TRIO: variants seen among roughly 807,000 people sequenced by gnomAD.
The protein encoded by TRIO is trio Rho guanine nucleotide exchange factor.
TRIO carries 58 observed loss-of-function variants against 351.9 expected under a neutral mutation model. The ratio of observed to expected loss-of-function variants is 0.16; its 90% CI spans 0.13 to 0.21. TRIO has a LOEUF of 0.21. TRIO is among the 10% of genes least tolerant of loss of function. The probability of loss-of-function intolerance (pLI) is 1.00; values close to 1 mark genes in which losing one functional copy is unlikely to be tolerated. For missense variants in TRIO, 3,201 were observed against 4,027.8 expected, an observed-to-expected ratio of 0.79 and a Z score of 5.56; for synonymous variants, 1,758 against 1,595.7, an observed-to-expected ratio of 1.10 and a Z score of -2.42.
At chr5:14,357,966 A>C (rs1328900383) in intron 11 of TRIO, among the ~76,000 whole-genome samples, 1 of 152,010 alleles carries the variant, frequency 6.6e-6, no homozygotes, top group Non-Finnish European at 1.5e-5. Context: ...CGGCGGTGGC[A>C]TGCTGCTTTT....
intron 14 of TRIO, 29 bp from the exon 15 acceptor site, chr5:14,364,621 A>G (rs1442645936): frequency 1.1e-5 from 18 of 1,588,894 alleles, no homozygotes; most frequent in Non-Finnish European, 1.5e-5. Context: ...TGCTAGCTGA[A>G]TTCTAGGGTC....
rs533194476 is a variant in TRIO at position 14,146,339 on chromosome 5, G to A, written c.157+2457G>A. Among the ~76,000 whole-genome samples, 29 of 152,326 alleles carry A rather than the reference G, an allele frequency of 1.9e-4. 1 individual carries two copies. In the South Asian group the frequency reaches 5.6e-3, roughly 29 times the overall value. On this transcript the variant is annotated intron_variant, in intron 1 of 56. Transcript: ENST00000344204. The stretch of plus-strand genomic sequence containing the variant: ...GACTGGGGAGGACAGATCATGGTGT[G>A]TTTTTGAGCCTGGTACTAAAAGTGC...
rs757586109 is a variant in TRIO at position 14,482,785 on chromosome 5, C to T, written c.6657+12C>T. ...AGAACAGTATCAAGGTAACGTGTGT[C>T]TCTGTGTGATTTCTCTGTGCCAGCG... On this transcript the variant is annotated intron_variant, in intron 46 of 56. Coordinates refer to ENST00000344204, the MANE Select transcript of TRIO (RefSeq NM_007118.4). 1 of 1,539,304 alleles carries T rather than the reference C, an allele frequency of 6.5e-7. No homozygotes were observed.
At chr5:14,258,641 T>A (rs186160769) in intron 1 of TRIO, among the ~76,000 whole-genome samples, 1 of 152,106 alleles carries the variant, frequency 6.6e-6, no homozygotes, top group African/African-American at 2.4e-5. Flanking sequence ...GATATGAAAC[T>A]GCGGAAGAGC....
At chr5:14,273,822 C>G (rs1041171486) in intron 2 of TRIO, among the ~76,000 whole-genome samples, 3 of 152,170 alleles carry the variant, frequency 2.0e-5, no homozygotes, top group South Asian at 2.1e-4. Flanking sequence ...AAATCTCACA[C>G]GACAACCACC....
At chr5:14,473,900 G>T in intron 39 of TRIO, 94 bp from the exon 40 acceptor site, 1 of 1,222,248 alleles carries the variant, frequency 8.2e-7, no homozygotes, top group Non-Finnish European at 1.2e-6. Flanking sequence ...CAGTGCATGT[G>T]TCCATTTTGC....
Position 14,497,761 on chromosome 5 carries a change from C to G in TRIO, c.8020-86C>G, listed in dbSNP as rs1756996825. ...GGCAAGTCAGTTTCTGCAAATCTTTCAACAATAATTGTAGCCCTGGAATGA... is the reference window on the plus strand; with the variant it reads ...GGCAAGTCAGTTTCTGCAAATCTTTGAACAATAATTGTAGCCCTGGAATGA... On this transcript the variant is annotated intron_variant, in intron 50 of 56. Transcript: ENST00000344204. The surrounding 1 kb of genome is among the most constrained non-coding windows in gnomAD (Gnocchi z 4.4). The G allele has an allele frequency of 6.4e-7, 1 of 1,564,404 alleles. No individual in the cohort carries two copies. The highest frequency in any genetic ancestry group is 8.8e-7 in the Non-Finnish European group (1 of 1,136,222).
intron 1 of TRIO, among the ~76,000 whole-genome samples, chr5:14,256,648 G>A (rs1465704516): frequency 1.3e-5 from 2 of 152,160 alleles, no homozygotes; most frequent in African/African-American, 4.8e-5. Flanking sequence ...AGAATTAGAA[G>A]GATTGATTAA....
chr5:14,479,507 A>C (rs1242300774), intron 42 of TRIO, among the ~76,000 whole-genome samples, 157 bp downstream of exon 42: 6 of 152,236 alleles, frequency 3.9e-5, no homozygotes, highest in African/African-American at 1.4e-4. Flanking sequence ...CCTGTAAATC[A>C]GAGAAATGAG....
Position 14,498,584 on chromosome 5 carries a change from G to C in TRIO, c.8276G>C (p.Cys2759Ser). The C allele has an allele frequency of 6.2e-7, 1 of 1,614,232 alleles. No individual in the cohort carries two copies. The highest frequency in any genetic ancestry group is 2.2e-5 in the East Asian group (1 of 44,884). ...ACGGAAGATGACGGCATCTACACGT[G>C]CATCGCTGTCAATGACATGGGTTCA... Reference protein sequence around the residue: ...VTTEDDGIYTCIAVNDMGSAS... With the variant: ...VTTEDDGIYTSIAVNDMGSAS... The change falls in exon 53 of 57, where the codon TGC becomes TCC. Residue 2759 changes from cysteine to serine, a missense_variant. Physicochemically the swap from Cys to Ser is moderately radical, Grantham distance 112. This residue lies in a region of TRIO where 1,089 missense variants were observed against 954.9 expected (regional missense o/e 1.14). Transcript: ENST00000344204.
chr5:14,272,797 G>C (rs1396300304), intron 2 of TRIO, among the ~76,000 whole-genome samples: 1 of 152,066 alleles, frequency 6.6e-6, no homozygotes, highest in East Asian at 1.9e-4. Context: ...TTTGTTTTAG[G>C]CTTATCGTTA....
intron 27 of TRIO, among the ~76,000 whole-genome samples, chr5:14,393,297 A>G (rs995080479): frequency 1.3e-5 from 2 of 152,136 alleles, no homozygotes; most frequent in African/African-American, 4.8e-5. Context: ...AATGTACACA[A>G]CGGGTTGATG....
At chr5:14,147,091 A>G (rs1489170306) in intron 1 of TRIO, among the ~76,000 whole-genome samples, 1 of 152,202 alleles carries the variant, frequency 6.6e-6, no homozygotes, top group East Asian at 1.9e-4. Context: ...GTGAATTTCA[A>G]ACTTCACTTT....
intron 37 of TRIO, chr5:14,465,941 G>C: frequency 5.8e-6 from 2 of 343,684 alleles, no homozygotes; most frequent in South Asian, 7.1e-5. Context: ...TGCCAGCCAT[G>C]CTCTCCCAGT....
intron 11 of TRIO, among the ~76,000 whole-genome samples, chr5:14,344,537 A>T (rs990634649): frequency 1.3e-3 from 193 of 152,302 alleles, no homozygotes; most frequent in Non-Finnish European, 2.3e-3. Flanking sequence ...AAGTGAGACA[A>T]ATTAAATTAC....
chr5:14,247,697 T>C (rs995007370), intron 1 of TRIO, among the ~76,000 whole-genome samples: 1 of 152,192 alleles, frequency 6.6e-6, no homozygotes, highest in African/African-American at 2.4e-5. Context: ...AGCATGCTAT[T>C]TTGACAATAA....
At position 14,488,871 on chromosome 5, in the gene TRIO, G is replaced by A. The variant is rs536015296; in HGVS notation, c.7632+611G>A. ...GACTGCTCTGGGCACCTGGCGAGGC[G>A]GCTCTGCAGTGCAGGCTGGGGCCGG... is the stretch of plus-strand genomic sequence containing the variant. On this transcript the variant is annotated intron_variant, in intron 48 of 56. Transcript: ENST00000344204. 2.9e-4 allele frequency: 210 copies of A among 729,438 alleles called. 1 individual carries two copies. Among genetic ancestry groups the A allele is most frequent in the African/African-American group, 2.3e-3 (135 of 58,498 alleles). 45.2% of individuals were successfully genotyped at this position (729,438 alleles called of 1,614,324 possible).
chr5:14,304,732 C>T (rs1391979234), intron 8 of TRIO, 140 bp downstream of exon 8: 2 of 989,946 alleles, frequency 2.0e-6, no homozygotes, highest in East Asian at 2.6e-5. Context: ...AATTGTTTAG[C>T]ATTTGAACCC....
At chr5:14,367,064 G>A in intron 16 of TRIO, 85 bp downstream of exon 16, 1 of 1,569,964 alleles carries the variant, frequency 6.4e-7, no homozygotes, top group Non-Finnish European at 8.6e-7. Flanking sequence ...CACTGACCAT[G>A]GGAACCACAT....
Sources: gnomAD v4.1 joint callset for allele counts (sites outside exome capture counted in the v4.1 genomes callset) on GRCh38, gnomAD v4.1.1 for gene constraint, gnomAD v4.1.1 regional missense constraint, Gnocchi (gnomAD v3.1) non-coding constraint, MANE v1.5 for transcripts, NCBI Gene and HGNC (gene_info 2026-07-23, HGNC 2026-07-21) for gene names.